The following SLC25A25 variants were observed in gnomAD, a reference collection of about 807,000 sequenced individuals.
SLC25A25 encodes the protein solute carrier family 25 member 25.
In SLC25A25, 32 loss-of-function variants were observed where a neutral mutation model predicts 57.7. That is an observed-to-expected ratio of 0.55 (90% CI 0.42 to 0.74). The LOEUF is 0.74. Among genes scored for constraint, SLC25A25 ranks in the 30% least tolerant of loss-of-function variants. The pLI, the probability that SLC25A25 is intolerant of heterozygous loss-of-function variation, is 0.00. For missense variants in SLC25A25, 556 were observed against 701.3 expected (o/e 0.79, Z 2.34); for synonymous variants, 306 against 291.2 (o/e 1.05, Z -0.52).
chr9:128,106,183 CTG>C lies in SLC25A25; in HGVS notation c.971_972del (p.Leu324GlnfsTer134). 1 of 1,614,232 alleles carries C rather than the reference CTG, an allele frequency of 6.2e-7. No individual in the cohort carries two copies. Among genetic ancestry groups the C allele is most frequent in the Non-Finnish European group, 8.5e-7 (1 of 1,180,040 alleles). On this transcript the variant is annotated frameshift_variant, in exon 8 of 11. Coordinates refer to ENST00000373069, the MANE Select transcript of SLC25A25 (RefSeq NM_001330988.2). LOFTEE classifies it high-confidence loss of function. ...CCTTGTTGGTAGTGACCAGGAGACT[CTG>C]AGGATTCACGAGAGGCTTGTGGCAG... ...KRLVGSDQETLRIHERLVAGS... is the reference protein window; with the variant it reads ...KRLVGSDQETXRIHERLVAGS...
chr9:128,082,430 G>T (rs1345961010), intron 1 of SLC25A25, among the ~76,000 whole-genome samples: 2 of 152,082 alleles, frequency 1.3e-5, no homozygotes, highest in African/African-American at 2.4e-5. Context: ...GCCGCCCAGC[G>T]CAGGCAGCAC....
intron 1 of SLC25A25, among the ~76,000 whole-genome samples, chr9:128,078,674 A>C (rs140908044): frequency 4.9e-4 from 74 of 152,268 alleles, no homozygotes; most frequent in African/African-American, 1.7e-3. Flanking sequence ...TTGACCTTGA[A>C]GTTGTGAAAG....
At chr9:128,087,724 CTGTT>C (rs1266423959) in intron 1 of SLC25A25, among the ~76,000 whole-genome samples, 2 of 152,138 alleles carry the variant, frequency 1.3e-5, no homozygotes, top group African/African-American at 2.4e-5. Flanking sequence ...CACCAGTGCT[CTGTT>C]TGTTTTGTTT....
At chr9:128,068,727 T>TA (rs1832836925) in intron 1 of SLC25A25, 147 bp downstream of exon 1, 1 of 931,186 alleles carries the variant, frequency 1.1e-6, no homozygotes, top group African/African-American at 1.7e-5. Flanking sequence ...ACACCCCACT[T>TA]ATGCCCTGGT....
rs1011688365 is a variant in SLC25A25 at position 128,101,058 on chromosome 9, C to A, written c.262-38C>A. On this transcript the variant is annotated intron_variant, in intron 1 of 10. Coordinates refer to ENST00000373069, the MANE Select transcript of SLC25A25 (RefSeq NM_001330988.2). The surrounding 1 kb of genome is among the most constrained non-coding windows in gnomAD (Gnocchi z 4.9). ...CACAAGGGACAAGGAAAGGCTGGTC[C>A]AGGAGCCAAAAGACAAAATGTTACC... 1.2e-6 allele frequency: 2 copies of A among 1,612,704 alleles called. No individual in the cohort carries two copies. The highest frequency in any genetic ancestry group is 2.7e-5 in the African/African-American group (2 of 74,822).
chr9:128,093,977 G>A (rs1483984510), intron 1 of SLC25A25, among the ~76,000 whole-genome samples: 5 of 152,200 alleles, frequency 3.3e-5, no homozygotes, highest in Middle Eastern at 3.4e-3. Context: ...GTGAAACCCC[G>A]TCTCTACTAA....
chr9:128,101,642 T>C lies in SLC25A25; in HGVS notation c.476+246T>C, dbSNP rs938278382. Among the ~76,000 whole-genome samples, 4 of 149,038 alleles carry C rather than the reference T, an allele frequency of 2.7e-5. No individual in the cohort carries two copies. The highest frequency in any genetic ancestry group is 6.0e-5 in the Non-Finnish European group (4 of 67,180). On this transcript the variant is annotated intron_variant, in intron 3 of 10. Coordinates refer to ENST00000373069, the MANE Select transcript of SLC25A25 (RefSeq NM_001330988.2). The surrounding 1 kb of genome is among the most constrained non-coding windows in gnomAD (Gnocchi z 4.9). ...CAGTGGCCCATGAAGGGAAAACTAATTTGGGGGTGGTTCAAATAGGTAAAA... is the reference window on the plus strand; with the variant it reads ...CAGTGGCCCATGAAGGGAAAACTAACTTGGGGGTGGTTCAAATAGGTAAAA...
At position 128,102,688 on chromosome 9, in the gene SLC25A25, T is replaced by TCA. The variant is rs1833855413; in HGVS notation, c.624+216_624+217dup. ...CAGCCAACCTGAACAGCCCCATCGT[T>TCA]CACACACACAGGCTTCCTCTTCCAG... is the stretch of plus-strand genomic sequence containing the variant. On this transcript the variant is annotated intron_variant, in intron 5 of 10. Transcript: ENST00000373069. The surrounding 1 kb of genome is among the most constrained non-coding windows in gnomAD (Gnocchi z 4.1). Among the ~76,000 whole-genome samples, 4 of 152,244 alleles carry TCA rather than the reference T, an allele frequency of 2.6e-5. No homozygotes were observed. The South Asian group carries it at 8.3e-4, about 32-fold the overall frequency.
rs147539248 is a variant in SLC25A25, at chr9:128,108,388, C to T, written c.*944C>T. ...CGACTTCTGTGCTTCCAGAGGAAGACGAGGGAGCAGGAGCTTGGCTGACTG... is the reference window on the plus strand; with the variant it reads ...CGACTTCTGTGCTTCCAGAGGAAGATGAGGGAGCAGGAGCTTGGCTGACTG... On this transcript the variant is annotated 3_prime_UTR_variant, in exon 11 of 11. Transcript: ENST00000373069. 1.1e-3 allele frequency: 428 copies of T among 397,648 alleles called. 2 individuals are homozygous for T. The highest frequency in any genetic ancestry group is 8.1e-3 in the African/African-American group (397 of 48,726). 24.6% of individuals were successfully genotyped at this position (397,648 alleles called of 1,614,324 possible).
At position 128,109,161 on chromosome 9, in the gene SLC25A25, G is replaced by C. The variant is rs989767399; in HGVS notation, c.*1717G>C. The C allele has an allele frequency of 6.6e-6, 1 of 152,616 alleles. No individual in the cohort carries two copies. The highest frequency in any genetic ancestry group is 1.5e-5 in the Non-Finnish European group (1 of 68,046). The allele number at this position is 152,616 out of a possible 1,614,324, so 9.5% of individuals were successfully genotyped here. On this transcript the variant is annotated 3_prime_UTR_variant, in exon 11 of 11. Coordinates refer to ENST00000373069, the MANE Select transcript of SLC25A25 (RefSeq NM_001330988.2). ...TGTTATATATGAACATATAACTGGA[G>C]TCGTCAAAAAGCAAATTAAGAAAGA...
chr9:128,068,328 C>A lies in SLC25A25; in HGVS notation c.9C>A (p.Ser3Arg), dbSNP rs2130776938. MVSSVLCRCVASP... is the reference protein window; with the variant it reads MVRSVLCRCVASP... Reference sequence around the variant, plus strand: ...CCCCTGCCTCGCGCCCGATGGTGAGCAGTGTGTTGTGCCGCTGTGTGGCCT... The same window carrying A: ...CCCCTGCCTCGCGCCCGATGGTGAGAAGTGTGTTGTGCCGCTGTGTGGCCT... The change falls in exon 1 of 11, where the codon AGC becomes AGA. Residue 3 changes from serine (S) to arginine (R), a missense_variant. Around this residue, in one of 3 missense-constraint regions of SLC25A25, gnomAD observed 248 missense variants for 273.5 expected, o/e 0.91. Transcript: ENST00000373069. The A allele has an allele frequency of 1.3e-6, 2 of 1,506,942 alleles. No homozygotes were observed. Among genetic ancestry groups the A allele is most frequent in the Non-Finnish European group, 1.8e-6 (2 of 1,133,622 alleles). The allele number at this position is 1,506,942 out of a possible 1,614,324, so 93.3% of individuals were successfully genotyped here. A position where few individuals can be genotyped will look rare whatever the true frequency, so the allele number is the denominator to read the frequency against.
At chr9:128,091,323 T>C (rs2130802007) in intron 1 of SLC25A25, 1 of 567,956 alleles carries the variant, frequency 1.8e-6, no homozygotes, top group African/African-American at 2.0e-5. Context: ...CCGGGCTTCA[T>C]GCAGGCAATC....
chr9:128,077,440 C>G (rs570713833), intron 1 of SLC25A25, among the ~76,000 whole-genome samples: 1 of 149,682 alleles, frequency 6.7e-6, no homozygotes, highest in Non-Finnish European at 1.5e-5. Flanking sequence ...TGGCGTGAAC[C>G]CGGGAGGCGG....
At position 128,099,406 on chromosome 9, in the gene SLC25A25, G is replaced by T; in HGVS notation, c.262-1690G>T. 2 of 1,153,400 alleles carry T rather than the reference G, an allele frequency of 1.7e-6. No homozygotes were observed. The highest frequency in any genetic ancestry group is 1.1e-6 in the Non-Finnish European group (1 of 922,264). The allele number at this position is 1,153,400 out of a possible 1,614,324, so 71.4% of individuals were successfully genotyped here. A position where few individuals can be genotyped will look rare whatever the true frequency, so the allele number is the denominator to read the frequency against. On this transcript the variant is annotated intron_variant, in intron 1 of 10. Transcript: ENST00000373069. This position sits in a 1 kb window ranked among gnomAD's most constrained non-coding sequence, Gnocchi z 6.8. The stretch of plus-strand genomic sequence containing the variant: ...CTGCGGTGAGCACACCCTCTGCTCT[G>T]GGTGTCTGCGACAGCACCCACCCCA...
rs1006624333 is a variant in SLC25A25, at chr9:128,107,121, C to G, written c.1305C>G (p.Thr435=). 6.2e-7 allele frequency: 1 copy of G among 1,613,956 alleles called. No homozygotes were observed. The highest frequency in any genetic ancestry group is 8.5e-7 in the Non-Finnish European group (1 of 1,180,052). ...TGGCCTGTGGCACCATGTCCAGTAC[C>G]TGTGGCCAGCTGGCCAGCTACCCCC... is the stretch of plus-strand genomic sequence containing the variant. The part of the protein sequence containing the change: ...VLLACGTMSS[T]CGQLASYPLA... The change falls in exon 10 of 11, where the codon ACC becomes ACG. Residue 435 remains threonine, a synonymous_variant. Transcript: ENST00000373069.
Position 128,102,859 on chromosome 9 carries a change from A to G in SLC25A25, c.624+378A>G, listed in dbSNP as rs1833863723. On this transcript the variant is annotated intron_variant, in intron 5 of 10. Transcript: ENST00000373069. The surrounding 1 kb of genome is among the most constrained non-coding windows in gnomAD (Gnocchi z 4.1). ...GGGGCTGGGGCAGAAGCTACTCTAC[A>G]GAGAACACCTAGGCAGAGCTGTGAG... Among the ~76,000 whole-genome samples the G allele has an allele frequency of 6.6e-6, 1 of 152,192 alleles. No homozygotes were observed. The highest frequency in any genetic ancestry group is 6.5e-5 in the Admixed American group (1 of 15,284).
rs1832827182 is a variant in SLC25A25 at position 128,068,383 on chromosome 9, G to T, written c.64G>T (p.Ala22Ser). 3 of 1,553,038 alleles carry T rather than the reference G, an allele frequency of 1.9e-6. No homozygotes were observed. Among genetic ancestry groups the T allele is most frequent in the Non-Finnish European group, 2.6e-6 (3 of 1,158,438 alleles). ...SPPPDAAATA[A>S]SSSASSPASV... ...GCCGCCGGACGCCGCCGCCACCGCC[G>T]CCTCTTCGTCTGCCTCATCGCCGGC... Residue 22 changes from alanine (A) to serine (S), a missense_variant, in exon 1 of 11, where the codon GCC (alanine) becomes TCC (serine). Ala to Ser is a moderately conservative substitution (Grantham distance 99, BLOSUM62 1). Around this residue, in one of 3 missense-constraint regions of SLC25A25, gnomAD observed 248 missense variants for 273.5 expected, o/e 0.91. Coordinates refer to ENST00000373069, the MANE Select transcript of SLC25A25 (RefSeq NM_001330988.2).
chr9:128,102,689 C>G lies in SLC25A25; in HGVS notation c.624+208C>G, dbSNP rs116350168. 0.026 allele frequency among the ~76,000 whole-genome samples: 3,997 copies of G among 152,280 alleles called. 171 individuals carry two copies. The highest frequency in any genetic ancestry group is 0.091 in the African/African-American group (3,776 of 41,524). On this transcript the variant is annotated intron_variant, in intron 5 of 10. Coordinates refer to ENST00000373069, the MANE Select transcript of SLC25A25 (RefSeq NM_001330988.2). The surrounding 1 kb of genome is among the most constrained non-coding windows in gnomAD (Gnocchi z 4.1). The stretch of plus-strand genomic sequence containing the variant: ...AGCCAACCTGAACAGCCCCATCGTT[C>G]ACACACACAGGCTTCCTCTTCCAGG...
At chr9:128,084,684 A>G (rs1258154055) in intron 1 of SLC25A25, among the ~76,000 whole-genome samples, 3 of 152,108 alleles carry the variant, frequency 2.0e-5, no homozygotes, top group Non-Finnish European at 2.9e-5. Flanking sequence ...TCACCCAGCC[A>G]CCTTGGGCTC....
Sources: allele counts gnomAD v4.1 joint callset (sites outside exome capture counted in the v4.1 genomes callset), GRCh38; gene constraint gnomAD v4.1.1; regional missense constraint gnomAD v4.1.1; non-coding constraint Gnocchi (gnomAD v3.1); transcripts MANE v1.5; gene names NCBI Gene and HGNC (gene_info 2026-07-23, HGNC 2026-07-21).